The following CLASRP variants were observed in gnomAD, a reference collection of about 807,000 sequenced individuals.
The protein encoded by CLASRP is CLK4-associating serine/arginine rich protein.
Under a neutral mutation model 99.9 loss-of-function variants are expected in CLASRP, and 52 were observed. The observed-to-expected ratio is 0.52, with a 90% CI of 0.42 to 0.66. CLASRP has a LOEUF of 0.66. Among genes scored for constraint, CLASRP ranks in the 30% least tolerant of loss-of-function variants. CLASRP has a pLI of 0.00. For synonymous variants in CLASRP, 379 were observed against 373.0 expected, an observed-to-expected ratio of 1.02 and a Z score of -0.18; for missense variants, 848 against 999.2, an observed-to-expected ratio of 0.85 and a Z score of 2.04.
At position 45,039,108 on chromosome 19, in the gene CLASRP, G is replaced by C. The variant is rs1971758302; in HGVS notation, c.-30G>C. ...CAGCGGTGGGAGGCGGCGACCAGCC[G>C]GTGAGTGCAGGCTGCGGCTCGACCT... is the stretch of plus-strand genomic sequence containing the variant. On this transcript the variant is annotated splice_region_variant and 5_prime_UTR_variant, in exon 1 of 21. Transcript: ENST00000221455. 6.6e-6 allele frequency: 1 copy of C among 152,150 alleles called. No individual in the cohort carries two copies. The highest frequency in any genetic ancestry group is 1.5e-5 in the Non-Finnish European group (1 of 68,040). The allele number at this position is 152,150 out of a possible 1,614,324, so 9.4% of individuals were successfully genotyped here. A position where few individuals can be genotyped will look rare whatever the true frequency, so the allele number is the denominator to read the frequency against.
Position 45,040,169 on chromosome 19 carries a change from C to G in CLASRP, c.-29-15C>G. ...TCACAGACCATCTGACTTTCCTGGT[C>G]CCTTCATCCCTCAGGTTGAGGCCCC... On this transcript the variant is annotated splice_polypyrimidine_tract_variant and intron_variant, in intron 1 of 20. Coordinates refer to ENST00000221455, the MANE Select transcript of CLASRP (RefSeq NM_007056.3). 6.9e-7 allele frequency: 1 copy of G among 1,447,728 alleles called. No individual in the cohort carries two copies. The highest frequency in any genetic ancestry group is 9.6e-7 in the Non-Finnish European group (1 of 1,046,104). 89.7% of individuals were successfully genotyped at this position (1,447,728 alleles called of 1,614,324 possible). A position where few individuals can be genotyped will look rare whatever the true frequency, so the allele number is the denominator to read the frequency against.
intron 2 of CLASRP, among the ~76,000 whole-genome samples, chr19:45,049,347 C>T (rs955409323): frequency 1.3e-5 from 2 of 152,158 alleles, no homozygotes; most frequent in African/African-American, 2.4e-5. Flanking sequence ...CTGTGTGGCC[C>T]CAGCTGAGGA....
intron 2 of CLASRP, among the ~76,000 whole-genome samples, chr19:45,049,221 C>G (rs1971977312): frequency 6.6e-6 from 1 of 152,132 alleles, no homozygotes; most frequent in Non-Finnish European, 1.5e-5. Context: ...CAAACAGTGT[C>G]CCATGAGTCC....
intron 2 of CLASRP, among the ~76,000 whole-genome samples, chr19:45,048,753 C>T (rs1335208764): frequency 2.0e-5 from 3 of 151,966 alleles, no homozygotes; most frequent in East Asian, 1.9e-4. Flanking sequence ...TTTGGGAGGC[C>T]GAGGCAGGCG....
Position 45,064,127 on chromosome 19 carries a change from G to T in CLASRP, c.1021G>T (p.Ala341Ser). 1 of 1,609,978 alleles carries T rather than the reference G, an allele frequency of 6.2e-7. No homozygotes were observed. The highest frequency in any genetic ancestry group is 8.5e-7 in the Non-Finnish European group (1 of 1,179,128). Residue 341 changes from alanine (A) to serine (S), a missense_variant, in exon 12 of 21, where the codon GCA (alanine) becomes TCA (serine). This residue lies in a region of CLASRP where 489 missense variants were observed against 434.7 expected (regional missense o/e 1.12). Transcript: ENST00000221455. Reference protein sequence around the residue: ...SFGGSDEEAAAAAAAAAASGV... With the variant: ...SFGGSDEEAASAAAAAAASGV... Reference sequence around the variant, plus strand: ...TGGGGGCAGCGATGAGGAGGCAGCCGCAGCCGCTGCTGCCGCAGCAGCATC... The same window carrying T: ...TGGGGGCAGCGATGAGGAGGCAGCCTCAGCCGCTGCTGCCGCAGCAGCATC...
At chr19:45,046,338 T>G (rs1475620185) in intron 2 of CLASRP, among the ~76,000 whole-genome samples, 1 of 152,210 alleles carries the variant, frequency 6.6e-6, no homozygotes, top group Non-Finnish European at 1.5e-5. Flanking sequence ...TCCGGTTCTG[T>G]CATTGCTTCT....
At chr19:45,049,832 A>G (rs575761665) in intron 2 of CLASRP, among the ~76,000 whole-genome samples, 1 of 152,326 alleles carries the variant, frequency 6.6e-6, no homozygotes, top group East Asian at 1.9e-4. Context: ...ACGTTCTAAC[A>G]TGGGAGAAAG....
At chr19:45,056,214 A>T (rs1404746012) in intron 5 of CLASRP, among the ~76,000 whole-genome samples, 1 of 152,202 alleles carries the variant, frequency 6.6e-6, no homozygotes, top group African/African-American at 2.4e-5. Flanking sequence ...CATTTTACGG[A>T]AAAGGAAACT....
In CLASRP at chr19:45,059,310, C is replaced by A; in HGVS notation, c.656C>A (p.Ala219Glu). The A allele has an allele frequency of 6.2e-7, 1 of 1,608,790 alleles. No homozygotes were observed. Residue 219 changes from alanine (A) to glutamate (E), a missense_variant, in exon 8 of 21, where the codon GCA becomes GAA. Ala to Glu is a moderately radical substitution (Grantham distance 107, BLOSUM62 -1). Transcript: ENST00000221455. ...DVDELNQEQV[A>E]DLNKQATTYG... The stretch of plus-strand genomic sequence containing the variant: ...GATGAATTGAACCAGGAGCAGGTGG[C>A]AGATCTCAACAAACAGGCCACGACT...
At chr19:45,052,269 C>T (rs1284429003) in intron 3 of CLASRP, 101 bp downstream of exon 3, 3 of 930,042 alleles carry the variant, frequency 3.2e-6, no homozygotes, top group Admixed American at 2.0e-5. Context: ...TATGGACAGA[C>T]CTTTGGGGAC....
rs527463890 is a variant in CLASRP, at chr19:45,067,620, A to T, written c.1667+26A>T. The T allele has an allele frequency of 1.1e-4, 165 of 1,561,274 alleles. No homozygotes were observed. Among genetic ancestry groups the T allele is most frequent in the Admixed American group, 3.1e-4 (17 of 55,164 alleles). Reference sequence around the variant, plus strand: ...GTGAGCGGGGCGGGTCTGGAGGAAGAGGGCTGCCAATCTCGGGTGGGGAGG... The same window carrying T: ...GTGAGCGGGGCGGGTCTGGAGGAAGTGGGCTGCCAATCTCGGGTGGGGAGG... On this transcript the variant is annotated intron_variant, in intron 14 of 20. Coordinates refer to ENST00000221455, the MANE Select transcript of CLASRP (RefSeq NM_007056.3). This position sits in a 1 kb window ranked among gnomAD's most constrained non-coding sequence, Gnocchi z 4.9.
chr19:45,058,058 G>T (rs1972155282), intron 7 of CLASRP, 160 bp downstream of exon 7: 2 of 814,836 alleles, frequency 2.5e-6, no homozygotes, highest in Admixed American at 2.6e-5. Flanking sequence ...TCTCACTCCT[G>T]TCCTCCTCCG....
chr19:45,066,804 G>T (rs1712431545), intron 13 of CLASRP, among the ~76,000 whole-genome samples: 1 of 151,648 alleles, frequency 6.6e-6, no homozygotes, highest in African/African-American at 2.4e-5. Flanking sequence ...TGGGTGGAGA[G>T]TCCCACCAGT....
chr19:45,052,001 C>T (rs1972032767), intron 2 of CLASRP, 70 bp from the exon 3 acceptor site: 11 of 1,192,822 alleles, frequency 9.2e-6, no homozygotes, highest in Admixed American at 7.7e-5. Context: ...CTGCTAAGCT[C>T]GGTTGTGTGT....
intron 13 of CLASRP, among the ~76,000 whole-genome samples, chr19:45,065,004 G>A (rs1246323842): frequency 6.6e-6 from 1 of 152,006 alleles, no homozygotes; most frequent in Non-Finnish European, 1.5e-5. Flanking sequence ...GACGGGTCCG[G>A]GCCTTGAGGG....
Position 45,060,488 on chromosome 19 carries a change from G to A in CLASRP, c.789+21G>A. The A allele has an allele frequency of 1.2e-6, 2 of 1,614,042 alleles. No homozygotes were observed. Among genetic ancestry groups the A allele is most frequent in the Non-Finnish European group, 1.7e-6 (2 of 1,179,902 alleles). On this transcript the variant is annotated intron_variant, in intron 9 of 20. Transcript: ENST00000221455. The surrounding 1 kb of genome is among the most constrained non-coding windows in gnomAD (Gnocchi z 4.6). Reference sequence around the variant, plus strand: ...ACTCGGTGAGGTCTGGGCTGGAGTGGAAGGGGACAGGGGTGTGTCACAGGG... The same window carrying A: ...ACTCGGTGAGGTCTGGGCTGGAGTGAAAGGGGACAGGGGTGTGTCACAGGG...
chr19:45,068,705 G>C (rs1209886425), intron 16 of CLASRP, among the ~76,000 whole-genome samples: 1 of 152,222 alleles, frequency 6.6e-6, no homozygotes, highest in Non-Finnish European at 1.5e-5. Flanking sequence ...TCATTTTAGA[G>C]AGTGGGGCTC....
At chr19:45,055,626 G>A (rs1268686009) in intron 5 of CLASRP, among the ~76,000 whole-genome samples, 1 of 152,118 alleles carries the variant, frequency 6.6e-6, no homozygotes, top group East Asian at 1.9e-4. Flanking sequence ...CTGAGGTCGG[G>A]AGTTCGAGAC....
Position 45,053,158 on chromosome 19 carries a change from G to A in CLASRP, c.360G>A (p.Val120=), listed in dbSNP as rs750878472. 2.5e-6 allele frequency: 4 copies of A among 1,614,056 alleles called. No homozygotes were observed. Among genetic ancestry groups the A allele is most frequent in the East Asian group, 2.2e-5 (1 of 44,868 alleles). The change falls in exon 5 of 21, where the codon GTG becomes GTA. Residue 120 remains valine, a synonymous_variant. Transcript: ENST00000221455. ...KCNYERYRGL[V]QNDFAGISEE... is the part of the protein sequence containing the mutation. Reference sequence around the variant, plus strand: ...ACTACGAGCGCTACAGAGGCCTGGTGCAGAACGACTTTGCCGGCAGTGAGT... The same window carrying A: ...ACTACGAGCGCTACAGAGGCCTGGTACAGAACGACTTTGCCGGCAGTGAGT...
Sources: allele counts gnomAD v4.1 joint callset (sites outside exome capture counted in the v4.1 genomes callset), GRCh38; gene constraint gnomAD v4.1.1; regional missense constraint gnomAD v4.1.1; non-coding constraint Gnocchi (gnomAD v3.1); transcripts MANE v1.5; gene names NCBI Gene and HGNC (gene_info 2026-07-23, HGNC 2026-07-21).